Variants in NFILZ observed in about 807,000 individuals in gnomAD.
NFILZ encodes NFIL3 like protein.
intron 3 of NFILZ, among the ~76,000 whole-genome samples, chr19:8,650,692 G>A (rs1054581430): frequency 1.3e-5 from 2 of 150,352 alleles, no homozygotes; most frequent in African/African-American, 2.4e-5. Context: ...AGAAATAAAA[G>A]GAAACTCATG....
chr19:8,647,779 G>GCACACACACACA (rs2042946284), intron 3 of NFILZ, among the ~76,000 whole-genome samples: 2 of 76,310 alleles, frequency 2.6e-5, no homozygotes, highest in Non-Finnish European at 5.1e-5. Context: ...ACGCACACAT[G>GCACACACACACA]CGCGCGCGCG....
At chr19:8,631,479 G>T (rs1555745504) in intron 1 of NFILZ, among the ~76,000 whole-genome samples, 3 of 152,118 alleles carry the variant, frequency 2.0e-5, no homozygotes, top group African/African-American at 4.8e-5. Flanking sequence ...TCTCTGGGGG[G>T]TCTGGAGGCA....
chr19:8,673,323 T>C (rs2146172785), intron 3 of NFILZ, among the ~76,000 whole-genome samples: 1 of 152,258 alleles, frequency 6.6e-6, no homozygotes, highest in African/African-American at 2.4e-5. Flanking sequence ...CTCAGTGAAC[T>C]TGGACACCTG....
intron 3 of NFILZ, among the ~76,000 whole-genome samples, chr19:8,647,086 A>G (rs1948336965): frequency 6.6e-6 from 1 of 152,186 alleles, no homozygotes; most frequent in African/African-American, 2.4e-5. Context: ...AGAGGAGGCT[A>G]TTATGTGGAA....
Position 8,680,807 on chromosome 19 carries a change from G to A in NFILZ, c.*3172G>A, listed in dbSNP as rs915965487. On this transcript the variant is annotated 3_prime_UTR_variant, in exon 6 of 6. Coordinates refer to ENST00000691075, the MANE Select transcript of NFILZ (RefSeq NM_001378600.1). Reference sequence around the variant, plus strand: ...AACAGAGACTTGAGAGAGATGAAGGGGGGAGTCATGCATGTATCAGAGGAA... The same window carrying A: ...AACAGAGACTTGAGAGAGATGAAGGAGGGAGTCATGCATGTATCAGAGGAA... Among the ~76,000 whole-genome samples, 1 of 152,076 alleles carries A rather than the reference G, an allele frequency of 6.6e-6. No individual in the cohort carries two copies. Among genetic ancestry groups the A allele is most frequent in the Non-Finnish European group, 1.5e-5 (1 of 68,030 alleles).
chr19:8,641,770 A>G (rs1390882112), intron 3 of NFILZ, among the ~76,000 whole-genome samples: 3 of 152,102 alleles, frequency 2.0e-5, no homozygotes, highest in Non-Finnish European at 4.4e-5. Context: ...TAGGGATGCT[A>G]TGAGGATCAC....
intron 1 of NFILZ, 131 bp from the exon 2 acceptor site, chr19:8,632,345 C>T (rs1376410935): frequency 1.3e-5 from 2 of 151,962 alleles, no homozygotes; most frequent in Admixed American, 1.3e-4. Flanking sequence ...TGAATAGGGG[C>T]TGGGTAAAAT....
chr19:8,646,051 G>GC (rs386806601), intron 3 of NFILZ, among the ~76,000 whole-genome samples: 2 of 150,452 alleles, frequency 1.3e-5, no homozygotes, highest in South Asian at 2.1e-4. Flanking sequence ...CTTTTTTTTT[G>GC]GGGGGGATGG....
chr19:8,631,512 C>T (rs56269614), intron 1 of NFILZ, among the ~76,000 whole-genome samples: 96,270 of 151,816 alleles, frequency 0.63, 31,719 homozygotes, highest in East Asian at 0.79. Context: ...GGGAAGGCAG[C>T]GGAGTCCCCT....
rs1297482539 is a variant in NFILZ, at chr19:8,646,892, G to T, written c.-164+11146G>T. On this transcript the variant is annotated intron_variant, in intron 3 of 5. Coordinates refer to ENST00000691075, the MANE Select transcript of NFILZ (RefSeq NM_001378600.1). ...TCCTCCTGACCCGGATCTAGGCTAG[G>T]AAAACCCAGGCAGGAAGAACACAGG... 2.0e-5 allele frequency among the ~76,000 whole-genome samples: 3 copies of T among 152,226 alleles called. No individual in the cohort carries two copies. In the East Asian group the frequency reaches 5.8e-4, roughly 29 times the overall value.
Position 8,679,029 on chromosome 19 carries a change from G to T in NFILZ, c.*1394G>T, listed in dbSNP as rs1481646968. ...GGGGGGCTTGCTTACCACCCAGTTT[G>T]AGGGGCAGACATATTGGCTTCTTCT... On this transcript the variant is annotated 3_prime_UTR_variant, in exon 6 of 6. Coordinates refer to ENST00000691075, the MANE Select transcript of NFILZ (RefSeq NM_001378600.1). Among the ~76,000 whole-genome samples the T allele has an allele frequency of 1.3e-5, 2 of 151,396 alleles. No individual in the cohort carries two copies. The highest frequency in any genetic ancestry group is 6.6e-5 in the Admixed American group (1 of 15,162).
At chr19:8,667,790 C>T (rs560433159) in intron 3 of NFILZ, among the ~76,000 whole-genome samples, 6 of 152,150 alleles carry the variant, frequency 3.9e-5, no homozygotes, top group African/African-American at 1.4e-4. Context: ...AAGTGATCCC[C>T]CAACCTCGGC....
chr19:8,645,749 A>G (rs1320673517), intron 3 of NFILZ, among the ~76,000 whole-genome samples: 2 of 152,118 alleles, frequency 1.3e-5, no homozygotes, highest in Non-Finnish European at 2.9e-5. Flanking sequence ...CGTTAGCTGC[A>G]ATGTGGAGCC....
At chr19:8,659,914 G>A (rs1353257677) in intron 3 of NFILZ, among the ~76,000 whole-genome samples, 6 of 152,104 alleles carry the variant, frequency 3.9e-5, no homozygotes, top group African/African-American at 1.4e-4. Context: ...GGGTGGTGGG[G>A]GGAGGGCTCC....
chr19:8,636,086 C>G (rs2042892964), intron 3 of NFILZ, among the ~76,000 whole-genome samples: 1 of 152,098 alleles, frequency 6.6e-6, no homozygotes, highest in South Asian at 2.1e-4. Context: ...TTCTACCCGG[C>G]TCATCCTCCC....
intron 3 of NFILZ, among the ~76,000 whole-genome samples, chr19:8,670,394 A>T (rs1555750178): frequency 3.9e-5 from 6 of 152,148 alleles, no homozygotes; most frequent in Non-Finnish European, 5.9e-5. Flanking sequence ...GAGCCATTGC[A>T]CCTGGCCCCA....
At chr19:8,656,776 C>T (rs1555748566) in intron 3 of NFILZ, among the ~76,000 whole-genome samples, 1 of 152,176 alleles carries the variant, frequency 6.6e-6, no homozygotes, top group East Asian at 1.9e-4. Context: ...GTGTGTGTAG[C>T]AGGGAACTGA....
intron 3 of NFILZ, among the ~76,000 whole-genome samples, chr19:8,636,812 G>T (rs541922213): frequency 6.6e-6 from 1 of 151,972 alleles, no homozygotes; most frequent in Admixed American, 6.6e-5. Flanking sequence ...GGCTGGCCTC[G>T]AACTCCTGAC....
At chr19:8,643,699 T>A (rs984821890) in intron 3 of NFILZ, among the ~76,000 whole-genome samples, 4 of 152,152 alleles carry the variant, frequency 2.6e-5, no homozygotes, top group Non-Finnish European at 5.9e-5. Context: ...TCTGCATCAT[T>A]GGCTCTCAGG....
Sources: allele counts gnomAD v4.1 joint callset (sites outside exome capture counted in the v4.1 genomes callset), GRCh38; gene constraint gnomAD v4.1.1; transcripts MANE v1.5; gene names NCBI Gene and HGNC (gene_info 2026-07-23, HGNC 2026-07-21).